Variants in CACNA1S observed in about 807,000 individuals in gnomAD.
The protein encoded by CACNA1S is voltage-dependent L-type calcium channel subunit alpha-1S.
In CACNA1S, 126 loss-of-function variants were observed where a neutral mutation model predicts 207.4. The observed-to-expected ratio is 0.61, with a 90% CI of 0.53 to 0.70. The LOEUF (loss-of-function observed/expected upper bound fraction) is 0.70, where lower values mean the gene tolerates loss of function less well. Ranked by LOEUF, CACNA1S falls within the 30% of genes least tolerant of loss-of-function variation. CACNA1S has a pLI of 0.00. For synonymous variants in CACNA1S, 960 were observed against 932.7 expected, an observed-to-expected ratio of 1.03 and a Z score of -0.53; for missense variants, 2,349 against 2,422.8, an observed-to-expected ratio of 0.97 and a Z score of 0.64.
chr1:201,089,956 A>G (rs3753960), intron 5 of CACNA1S, among the ~76,000 whole-genome samples: 127,427 of 152,186 alleles, frequency 0.84, 54,128 homozygotes, highest in Middle Eastern at 0.9. Flanking sequence ...GGAAGTTCCC[A>G]CCAGGCCCGA....
Position 201,040,614 on chromosome 1 carries a change from A to G in CACNA1S, c.5226+8T>C. 17 of 1,612,412 alleles carry G rather than the reference A, an allele frequency of 1.1e-5. No individual in the cohort carries two copies. The highest frequency in any genetic ancestry group is 1.4e-5 in the Non-Finnish European group (17 of 1,178,878). On this transcript the variant is annotated splice_region_variant and intron_variant, in intron 42 of 43. Coordinates refer to ENST00000362061, the MANE Select transcript of CACNA1S (RefSeq NM_000069.3). ...TGGAGTTTGCTCCCAGGCCTCTGCC[A>G]CTGTTACCTGGCAGGGGGCAGGAGG...
In CACNA1S at chr1:201,078,633, A is replaced by G. The variant is rs550747313; in HGVS notation, c.1394-529T>C. 1.3e-4 allele frequency among the ~76,000 whole-genome samples: 19 copies of G among 151,852 alleles called. 1 individual carries two copies. In the South Asian group the frequency reaches 4.0e-3, roughly 32 times the overall value. On this transcript the variant is annotated intron_variant, in intron 10 of 43. Coordinates refer to ENST00000362061, the MANE Select transcript of CACNA1S (RefSeq NM_000069.3). ...ATTACTCTTAATTCTACTGAAGTTC[A>G]TTAAGTCTGCTACTCTCTCATTCCT... is the stretch of plus-strand genomic sequence containing the variant.
At chr1:201,082,326 C>T (rs1661868892) in intron 10 of CACNA1S, among the ~76,000 whole-genome samples, 1 of 138,160 alleles carries the variant, frequency 7.2e-6, no homozygotes, top group African/African-American at 2.6e-5. Context: ...CGCGCCCGGC[C>T]TCAGGTATTT....
At chr1:201,110,398 C>T (rs1044666828) in intron 1 of CACNA1S, 129 bp from the exon 2 acceptor site, 17 of 793,506 alleles carry the variant, frequency 2.1e-5, no homozygotes, top group Non-Finnish European at 2.8e-5. Flanking sequence ...CATGGACGCT[C>T]GCCCACGCTG....
intron 1 of CACNA1S, 58 bp downstream of exon 1, chr1:201,112,130 C>A: frequency 6.4e-7 from 1 of 1,559,970 alleles, no homozygotes; most frequent in Non-Finnish European, 8.8e-7. Flanking sequence ...CTGTGATCAC[C>A]CCGAATCCCT....
chr1:201,052,173 CA>C (rs1660678582), intron 32 of CACNA1S, among the ~76,000 whole-genome samples: 1 of 152,262 alleles, frequency 6.6e-6, no homozygotes, highest in South Asian at 2.1e-4. Context: ...CAGCGCCCCC[CA>C]CCCCATCTGG....
chr1:201,059,579 T>C (rs1025757301), intron 26 of CACNA1S, among the ~76,000 whole-genome samples: 10 of 152,258 alleles, frequency 6.6e-5, no homozygotes, highest in African/African-American at 2.4e-4. Flanking sequence ...TTCATTTACA[T>C]GCAGGGCTGC....
rs779274568 is a variant in CACNA1S at position 201,091,997 on chromosome 1, G to A, written c.516C>T (p.Pro172=). 1.1e-5 allele frequency: 18 copies of A among 1,614,030 alleles called. No homozygotes were observed. In the African/African-American group the frequency reaches 1.6e-4, roughly 14 times the overall value. The change falls in exon 4 of 44, where the codon CCC becomes CCT. Residue 172 remains proline (P), a synonymous_variant. Transcript: ENST00000362061. ...KALRAFRVLR[P]LRLVSGVPSL... is the part of the protein sequence containing the mutation. ...TAGGCACCCCCGACACCAGCCGGAG[G>A]GGTCTGAGCACTCGGAAGGCTCTGA...
chr1:201,085,104 C>G, intron 8 of CACNA1S, 73 bp from the exon 9 acceptor site: 2 of 1,038,562 alleles, frequency 1.9e-6, no homozygotes, highest in Non-Finnish European at 3.0e-6. Context: ...ACTGGGCACC[C>G]GAGACAAGGG....
intron 1 of CACNA1S, among the ~76,000 whole-genome samples, chr1:201,110,732 G>A (rs1663068270): frequency 6.6e-6 from 1 of 152,182 alleles, no homozygotes; most frequent in Admixed American, 6.5e-5. Context: ...AGTAGGACTG[G>A]GAAGGAGAGA....
chr1:201,047,549 C>A lies in CACNA1S; in HGVS notation c.4519G>T (p.Asp1507Tyr). 1 of 1,614,108 alleles carries A rather than the reference C, an allele frequency of 6.2e-7. No individual in the cohort carries two copies. Among genetic ancestry groups the A allele is most frequent in the Non-Finnish European group, 8.5e-7 (1 of 1,179,932 alleles). Residue 1507 changes from aspartate to tyrosine, a missense_variant, in exon 37 of 44, where the codon GAC (aspartate) becomes TAC (tyrosine). Physicochemically the swap from Asp to Tyr is radical, Grantham distance 160 (BLOSUM62 -3). Coordinates refer to ENST00000362061, the MANE Select transcript of CACNA1S (RefSeq NM_000069.3). ...CCTCCTATTGGAGGGATGACCTGGT[C>A]CAAGAGCTTCATGCTGGTTCTCTTC... is the stretch of plus-strand genomic sequence containing the variant. ...IWKRTSMKLL[D>Y]QVIPPIGDDE...
In CACNA1S at chr1:201,047,012, T is replaced by C. The variant is rs1313039450; in HGVS notation, c.4668+103A>G. On this transcript the variant is annotated intron_variant, in intron 38 of 43. Coordinates refer to ENST00000362061, the MANE Select transcript of CACNA1S (RefSeq NM_000069.3). Reference sequence around the variant, plus strand: ...CTCTTCTGGGCTTCCTTTTTCCCTCTATGTCTCCATCATTGGCCCCTCAAG... The same window carrying C: ...CTCTTCTGGGCTTCCTTTTTCCCTCCATGTCTCCATCATTGGCCCCTCAAG... The C allele has an allele frequency of 3.2e-5, 47 of 1,470,598 alleles. No individual in the cohort carries two copies. The East Asian group carries it at 9.3e-4, about 29-fold the overall frequency. The allele number at this position is 1,470,598 out of a possible 1,614,324, so 91.1% of individuals were successfully genotyped here.
rs374335683 is a variant in CACNA1S at position 201,060,828 on chromosome 1, A to T, written c.3256-12T>A. On this transcript the variant is annotated splice_polypyrimidine_tract_variant and intron_variant, in intron 25 of 43. Transcript: ENST00000362061. ...TGTACACATTGGCGCTGTGACACATACAACAGGACAGGTCAGCACCAAGAG... is the reference window on the plus strand; with the variant it reads ...TGTACACATTGGCGCTGTGACACATTCAACAGGACAGGTCAGCACCAAGAG... 2.8e-5 allele frequency: 46 copies of T among 1,614,090 alleles called. No homozygotes were observed. In the African/African-American group the frequency reaches 6.0e-4, roughly 21 times the overall value.
intron 1 of CACNA1S, among the ~76,000 whole-genome samples, 196 bp from the exon 2 acceptor site, chr1:201,110,465 T>C (rs913505448): frequency 2.6e-5 from 4 of 152,206 alleles, no homozygotes; most frequent in African/African-American, 9.6e-5. Context: ...CCTTGACCTC[T>C]GGCTCCCTCT....
At position 201,041,550 on chromosome 1, in the gene CACNA1S, C is replaced by A; in HGVS notation, c.5088G>T (p.Thr1696=). 6.2e-7 allele frequency: 1 copy of A among 1,614,098 alleles called. No homozygotes were observed. The highest frequency in any genetic ancestry group is 8.5e-7 in the Non-Finnish European group (1 of 1,179,968). The change falls in exon 41 of 44, where the codon ACG becomes ACT. Residue 1696 remains threonine (T), a synonymous_variant. Transcript: ENST00000362061. ...YEREFPEETE[T]PATRGRALGQ... ...CAAGGGCTCGTCCTCTGGTAGCAGG[C>A]GTCTCTGTCTCTTCTGGGAACTCCC...
Position 201,047,525 on chromosome 1 carries a change from C to T in CACNA1S, c.4543G>A (p.Asp1515Asn). 4 of 1,612,176 alleles carry T rather than the reference C, an allele frequency of 2.5e-6. No individual in the cohort carries two copies. The highest frequency in any genetic ancestry group is 2.2e-5 in the South Asian group (2 of 91,034). The change falls in exon 37 of 44, where the codon GAT becomes AAT. Residue 1515 changes from aspartate to asparagine, a missense_variant and splice_region_variant. Physicochemically the swap from Asp to Asn is conservative, Grantham distance 23. Transcript: ENST00000362061. Reference protein sequence around the residue: ...LLDQVIPPIGDDEVTVGKFYA... With the variant: ...LLDQVIPPIGNDEVTVGKFYA... ...TCTGGTCCCCCAAAGTAGCACCTACCTCCTATTGGAGGGATGACCTGGTCC... is the reference window on the plus strand; with the variant it reads ...TCTGGTCCCCCAAAGTAGCACCTACTTCCTATTGGAGGGATGACCTGGTCC...
At chr1:201,061,224 T>C (rs1421886902) in intron 25 of CACNA1S, 43 bp downstream of exon 25, 2 of 1,570,444 alleles carry the variant, frequency 1.3e-6, no homozygotes, top group South Asian at 1.1e-5. Flanking sequence ...GCAGGAGGCC[T>C]GCTGGAGCTC....
In CACNA1S at chr1:201,065,921, C is replaced by T. The variant is rs1442305463; in HGVS notation, c.2770G>A (p.Ala924Thr). 2.5e-6 allele frequency: 4 copies of T among 1,613,474 alleles called. No homozygotes were observed. The highest frequency in any genetic ancestry group is 3.4e-6 in the Non-Finnish European group (4 of 1,179,480). ...LKHVVQCMFV[A>T]ISTIGNIVLV... The stretch of plus-strand genomic sequence containing the variant: ...ACGATGTTCCCGATGGTGCTGATGG[C>T]CACGAACATGCACTGCACCACGTGC... The change falls in exon 22 of 44, where the codon GCC becomes ACC. Residue 924 changes from alanine to threonine, a missense_variant. Ala to Thr is a moderately conservative substitution (Grantham distance 58, BLOSUM62 0). Coordinates refer to ENST00000362061, the MANE Select transcript of CACNA1S (RefSeq NM_000069.3).
Position 201,053,547 on chromosome 1 carries a change from C to T in CACNA1S, c.3707G>A (p.Arg1236His), listed in dbSNP as rs540779685. ...ESARISSAFF[R>H]LFRVMRLIKL... The stretch of plus-strand genomic sequence containing the variant: ...GATCAGCCTCATGACACGGAACAGG[C>T]GGAAGAAGGCGCTGGAGATGCGGGC... The change falls in exon 30 of 44, where the codon CGC becomes CAC. Residue 1236 changes from arginine to histidine, a missense_variant. By Grantham distance (29) the Arg-to-His change is conservative. Coordinates refer to ENST00000362061, the MANE Select transcript of CACNA1S (RefSeq NM_000069.3). The surrounding 1 kb of genome is among the most constrained non-coding windows in gnomAD (Gnocchi z 5.1). 1.2e-6 allele frequency: 2 copies of T among 1,613,898 alleles called. No homozygotes were observed. Among genetic ancestry groups the T allele is most frequent in the Non-Finnish European group, 1.7e-6 (2 of 1,179,950 alleles).
Sources: gnomAD v4.1 joint callset for allele counts (sites outside exome capture counted in the v4.1 genomes callset) on GRCh38, gnomAD v4.1.1 for gene constraint, Gnocchi (gnomAD v3.1) non-coding constraint, MANE v1.5 for transcripts, NCBI Gene and HGNC (gene_info 2026-07-23, HGNC 2026-07-21) for gene names.